GADD45A: variants seen among roughly 807,000 people sequenced by gnomAD.
GADD45A encodes growth arrest and DNA damage inducible alpha, also known as growth arrest and DNA damage-inducible protein GADD45 alpha.
GADD45A carries 9 observed loss-of-function variants against 17.7 expected under a neutral mutation model. The observed-to-expected ratio is 0.51, with a 90% CI of 0.31 to 0.89. The LOEUF (loss-of-function observed/expected upper bound fraction) is 0.89. GADD45A is among the 40% of genes least tolerant of loss of function. The probability of loss-of-function intolerance (pLI) is 0.05; values close to 1 mark genes in which losing one functional copy is unlikely to be tolerated. For synonymous variants in GADD45A, 95 were observed against 92.2 expected, an observed-to-expected ratio of 1.03 and a Z score of -0.17; for missense variants, 149 against 220.6, an observed-to-expected ratio of 0.68 and a Z score of 2.06.
intron 1 of GADD45A, 200 bp from the exon 2 acceptor site, chr1:67,685,825 T>G (rs1019946593): frequency 1.7e-5 from 10 of 593,090 alleles, no homozygotes; most frequent in Non-Finnish European, 3.0e-5. Flanking sequence ...CTCTCGGGAC[T>G]TCTCACGGGA....
intron 3 of GADD45A, 21 bp downstream of exon 3, chr1:67,686,608 A>T: frequency 6.3e-7 from 1 of 1,596,674 alleles, no homozygotes; most frequent in South Asian, 1.1e-5. Context: ...GGGGGACTGC[A>T]GCCTGCAGGG....
In GADD45A at chr1:67,685,472, C is replaced by T. The variant is rs1399307991; in HGVS notation, c.-23C>T. The T allele has an allele frequency of 1.2e-6, 2 of 1,604,110 alleles. No individual in the cohort carries two copies. Among genetic ancestry groups the T allele is most frequent in the Non-Finnish European group, 1.7e-6 (2 of 1,174,936 alleles). ...GCAGCCCGCACGCCGCGCTCTCTCC[C>T]TGGGCGACCTGCAGTTTGCAATATG... On this transcript the variant is annotated 5_prime_UTR_variant, in exon 1 of 4. Transcript: ENST00000370986.
In GADD45A at chr1:67,685,452, C is replaced by A; in HGVS notation, c.-43C>A. ...GCGCGCTAGCCGTGGCAGGAGCAGC[C>A]CGCACGCCGCGCTCTCTCCCTGGGC... On this transcript the variant is annotated 5_prime_UTR_variant, in exon 1 of 4. Coordinates refer to ENST00000370986, the MANE Select transcript of GADD45A (RefSeq NM_001924.4). 3.2e-6 allele frequency: 5 copies of A among 1,582,084 alleles called. No individual in the cohort carries two copies. The highest frequency in any genetic ancestry group is 2.6e-6 in the Non-Finnish European group (3 of 1,161,584).
In GADD45A at chr1:67,685,226, G is replaced by A. The variant is rs1646123229; in HGVS notation, c.-269G>A. On this transcript the variant is annotated 5_prime_UTR_variant, in exon 1 of 4. Transcript: ENST00000370986. Reference sequence around the variant, plus strand: ...AGTGGCTGGTAGGCAGTGGCTGGGAGGCAGCGGCCCAATTAGTGTCGTGCG... The same window carrying A: ...AGTGGCTGGTAGGCAGTGGCTGGGAAGCAGCGGCCCAATTAGTGTCGTGCG... 4.2e-6 allele frequency: 2 copies of A among 475,458 alleles called. No homozygotes were observed. The highest frequency in any genetic ancestry group is 2.8e-5 in the South Asian group (1 of 35,142). The allele number at this position is 475,458 out of a possible 1,614,324, so 29.5% of individuals were successfully genotyped here.
intron 2 of GADD45A, 52 bp from the exon 3 acceptor site, chr1:67,686,298 G>A: frequency 6.4e-7 from 1 of 1,552,820 alleles, no homozygotes; most frequent in South Asian, 1.1e-5. Context: ...CCCGGGCAGT[G>A]GTTGAGGGCG....
chr1:67,685,578 T>TA (rs1254561861), intron 1 of GADD45A, 40 bp downstream of exon 1: 2 of 1,580,732 alleles, frequency 1.3e-6, no homozygotes, highest in South Asian at 1.1e-5. Context: ...GAACTTCTCT[T>TA]ACCTACCCCG....
Position 67,685,457 on chromosome 1 carries a change from C to G in GADD45A, c.-38C>G. On this transcript the variant is annotated 5_prime_UTR_variant, in exon 1 of 4. Transcript: ENST00000370986. ...CTAGCCGTGGCAGGAGCAGCCCGCA[C>G]GCCGCGCTCTCTCCCTGGGCGACCT... is the stretch of plus-strand genomic sequence containing the variant. 2 of 1,587,848 alleles carry G rather than the reference C, an allele frequency of 1.3e-6. No individual in the cohort carries two copies. Among genetic ancestry groups the G allele is most frequent in the Non-Finnish European group, 1.7e-6 (2 of 1,165,378 alleles).
In GADD45A at chr1:67,685,556, C is replaced by CTCT; in HGVS notation, c.44+21_44+23dup. The CTCT allele has an allele frequency of 6.3e-7, 1 of 1,598,876 alleles. No individual in the cohort carries two copies. The highest frequency in any genetic ancestry group is 8.5e-7 in the Non-Finnish European group (1 of 1,171,636). On this transcript the variant is annotated intron_variant, in intron 1 of 3. Transcript: ENST00000370986. Reference sequence around the variant, plus strand: ...ACCGAAAGGTGAGTCGGCCTGCGGACTCTTCCGGCCCGAACTTCTCTTACC... The same window carrying CTCT: ...ACCGAAAGGTGAGTCGGCCTGCGGACTCTTCTTCCGGCCCGAACTTCTCTTACC...
chr1:67,686,224 C>T (rs1037762431), intron 2 of GADD45A, 98 bp downstream of exon 2: 10 of 1,377,956 alleles, frequency 7.3e-6, no homozygotes, highest in Non-Finnish European at 1.0e-5. Flanking sequence ...GCGCCACTTC[C>T]TGTCGCTTTT....
In GADD45A at chr1:67,687,954, A is replaced by G. The variant is rs1285057655; in HGVS notation, c.*180A>G. On this transcript the variant is annotated 3_prime_UTR_variant, in exon 4 of 4. Coordinates refer to ENST00000370986, the MANE Select transcript of GADD45A (RefSeq NM_001924.4). ...GAGATAGATGACTTTGCAGATGGAA[A>G]GAGGTGAAAATGAAGAAGGAAGCTG... 2 of 492,154 alleles carry G rather than the reference A, an allele frequency of 4.1e-6. No individual in the cohort carries two copies. Among genetic ancestry groups the G allele is most frequent in the Non-Finnish European group, 3.6e-6 (1 of 276,318 alleles). The allele number at this position is 492,154 out of a possible 1,614,324, so 30.5% of individuals were successfully genotyped here.
Position 67,687,860 on chromosome 1 carries a change from C to T in GADD45A, c.*86C>T. On this transcript the variant is annotated 3_prime_UTR_variant, in exon 4 of 4. Coordinates refer to ENST00000370986, the MANE Select transcript of GADD45A (RefSeq NM_001924.4). The stretch of plus-strand genomic sequence containing the variant: ...GTTACTCAAGCAGTTACTCCCTACA[C>T]TGATGCAAGGATTACAGAAACTGAT... 1.2e-6 allele frequency: 1 copy of T among 865,408 alleles called. No homozygotes were observed. Among genetic ancestry groups the T allele is most frequent in the Admixed American group, 1.8e-5 (1 of 55,328 alleles). The allele number at this position is 865,408 out of a possible 1,614,324, so 53.6% of individuals were successfully genotyped here. A position where few individuals can be genotyped will look rare whatever the true frequency, so the allele number is the denominator to read the frequency against.
In GADD45A at chr1:67,686,085, G is replaced by T. The variant is rs200118104; in HGVS notation, c.105G>T (p.Thr35=). Residue 35 remains threonine (T), a synonymous_variant, in exon 2 of 4, where the codon ACG becomes ACT. Transcript: ENST00000370986. ...EVLSKALSQR[T]ITVGVYEAAK... is the part of the protein sequence containing the mutation. ...TCAGCAAAGCCCTGAGTCAGCGCAC[G>T]ATCACTGTCGGGGTGTACGAAGCGG... 5.0e-6 allele frequency: 8 copies of T among 1,610,042 alleles called. No homozygotes were observed. The East Asian group carries it at 1.4e-4, about 27-fold the overall frequency.
In GADD45A at chr1:67,686,072, T is replaced by A. The variant is rs776831913; in HGVS notation, c.92T>A (p.Leu31Gln). Residue 31 changes from leucine to glutamine, a missense_variant, in exon 2 of 4, where the codon CTG becomes CAG. Leu to Gln is a moderately radical substitution (Grantham distance 113, BLOSUM62 -2). Transcript: ENST00000370986. ...DALEEVLSKA[L>Q]SQRTITVGVY... ...CTGGAGGAAGTGCTCAGCAAAGCCC[T>A]GAGTCAGCGCACGATCACTGTCGGG... The A allele has an allele frequency of 6.2e-7, 1 of 1,609,380 alleles. No homozygotes were observed. The highest frequency in any genetic ancestry group is 8.5e-7 in the Non-Finnish European group (1 of 1,178,218).
chr1:67,685,994 G>A (rs766442846), intron 1 of GADD45A, 31 bp from the exon 2 acceptor site: 35 of 1,511,182 alleles, frequency 2.3e-5, no homozygotes, highest in Non-Finnish European at 3.0e-5. Context: ...CACCGGGGCT[G>A]ACGGGACCCC....
At position 67,688,010 on chromosome 1, in the gene GADD45A, C is replaced by T. The variant is rs1012103271; in HGVS notation, c.*236C>T. 2.9e-5 allele frequency: 12 copies of T among 419,228 alleles called. No homozygotes were observed. The highest frequency in any genetic ancestry group is 2.2e-4 in the African/African-American group (11 of 50,496). 26.0% of individuals were successfully genotyped at this position (419,228 alleles called of 1,614,324 possible). A position where few individuals can be genotyped will look rare whatever the true frequency, so the allele number is the denominator to read the frequency against. ...AAACAGAAAAATAAGTCAAAAGGAA[C>T]AAAAATTACAAAGAACCATGCAGGA... On this transcript the variant is annotated 3_prime_UTR_variant, in exon 4 of 4. Transcript: ENST00000370986.
intron 2 of GADD45A, 36 bp downstream of exon 2, chr1:67,686,162 C>A (rs372241715): frequency 1.3e-6 from 2 of 1,545,710 alleles, no homozygotes; most frequent in African/African-American, 1.4e-5. Flanking sequence ...CATGGCACCC[C>A]TTCCCGCCCC....
At chr1:67,685,592 TC>T in intron 1 of GADD45A, 54 bp downstream of exon 1, 1 of 1,448,208 alleles carries the variant, frequency 6.9e-7, no homozygotes, top group Non-Finnish European at 9.6e-7. Flanking sequence ...TACCCCGCGC[TC>T]CCCGGTGCAG....
Position 67,686,645 on chromosome 1 carries a change from G to C in GADD45A, c.384+58G>C, listed in dbSNP as rs372763976. 2.1e-5 allele frequency: 31 copies of C among 1,464,692 alleles called. No individual in the cohort carries two copies. The East Asian group carries it at 6.0e-4, about 28-fold the overall frequency. The allele number at this position is 1,464,692 out of a possible 1,614,324, so 90.7% of individuals were successfully genotyped here. ...AGAGCCCCGGAAGGACGGGAGTCAG[G>C]GCTGGGTTGCCTGATTGTGGATCTG... On this transcript the variant is annotated intron_variant, in intron 3 of 3. Coordinates refer to ENST00000370986, the MANE Select transcript of GADD45A (RefSeq NM_001924.4).
Position 67,685,358 on chromosome 1 carries a change from C to G in GADD45A, c.-137C>G. ...AGGAGGAGCCCGGGCGGGCGAGGGGCGGCCGGAGAGCGCCAGGGCCTGAGC... is the reference window on the plus strand; with the variant it reads ...AGGAGGAGCCCGGGCGGGCGAGGGGGGGCCGGAGAGCGCCAGGGCCTGAGC... On this transcript the variant is annotated 5_prime_UTR_variant, in exon 1 of 4. Transcript: ENST00000370986. 1 of 710,426 alleles carries G rather than the reference C, an allele frequency of 1.4e-6. No homozygotes were observed. The highest frequency in any genetic ancestry group is 2.3e-6 in the Non-Finnish European group (1 of 436,136). The allele number at this position is 710,426 out of a possible 1,614,324, so 44.0% of individuals were successfully genotyped here.
Sources: gnomAD v4.1 joint callset for allele counts on GRCh38, gnomAD v4.1.1 for gene constraint, MANE v1.5 for transcripts, NCBI Gene and HGNC (gene_info 2026-07-23, HGNC 2026-07-21) for gene names.